Variants in FBXO34 observed in about 807,000 individuals in gnomAD.
FBXO34 encodes F-box only protein 34.
In FBXO34, 12 loss-of-function variants were observed where a neutral mutation model predicts 24.5. The observed-to-expected ratio is 0.49, with a 90% CI of 0.31 to 0.79. The LOEUF (loss-of-function observed/expected upper bound fraction) is 0.79. Among genes scored for constraint, FBXO34 ranks in the 30% least tolerant of loss-of-function variants. The pLI, the probability that FBXO34 is intolerant of heterozygous loss-of-function variation, is 0.04. For missense variants in FBXO34, 823 were observed against 857.7 expected (o/e 0.96, Z 0.51); for synonymous variants, 320 against 311.9 (o/e 1.03, Z -0.27).
At chr14:55,289,756 C>T (rs926789068) in intron 1 of FBXO34, among the ~76,000 whole-genome samples, 1 of 151,540 alleles carries the variant, frequency 6.6e-6, no homozygotes, top group African/African-American at 2.4e-5. Context: ...CTTTGTTGCC[C>T]AGGTTAGTCT....
intron 1 of FBXO34, among the ~76,000 whole-genome samples, chr14:55,302,532 TCTC>T (rs10537151): frequency 0.29 from 43,817 of 149,860 alleles, 6,741 homozygotes; most frequent in Non-Finnish European, 0.33. Flanking sequence ...CTCAGGCAGT[TCTC>T]CTGCTTTGGC....
At chr14:55,401,662 T>TA in the FBXO34 span, among the ~76,000 whole-genome samples, 2 of 152,234 alleles carry the variant, frequency 1.3e-5, no homozygotes, top group African/African-American at 2.4e-5. Flanking sequence ...TTTTTTCTGT[T>TA]AAAAAAAGGT....
In FBXO34 at chr14:55,280,786, G is replaced by A. The variant is rs185773184; in HGVS notation, c.-11+9249G>A. The stretch of plus-strand genomic sequence containing the variant: ...CGTGATCCTCCCGCCTCAGCCTTCC[G>A]AAGTGCTGGGATTACAGGCGTGAAC... On this transcript the variant is annotated intron_variant, in intron 1 of 1. Coordinates refer to ENST00000313833, the MANE Select transcript of FBXO34 (RefSeq NM_017943.4). 5.3e-5 allele frequency among the ~76,000 whole-genome samples: 8 copies of A among 152,004 alleles called. 1 individual carries two copies. The highest frequency in any genetic ancestry group is 4.6e-4 in the Admixed American group (7 of 15,282).
the FBXO34 span, chr14:55,377,672 C>T: frequency 4.3e-6 from 2 of 467,762 alleles, no homozygotes; most frequent in African/African-American, 2.0e-5. Context: ...ATATAATTAC[C>T]TTTGTTTCTT....
the FBXO34 span, chr14:55,440,475 G>A: frequency 6.2e-7 from 1 of 1,612,246 alleles, no homozygotes; most frequent in Non-Finnish European, 8.5e-7. Flanking sequence ...TGTTGGGGGT[G>A]GGGGCGGGTA....
At chr14:55,438,245 A>G in the FBXO34 span, among the ~76,000 whole-genome samples, 7 of 152,196 alleles carry the variant, frequency 4.6e-5, no homozygotes, top group Non-Finnish European at 1.5e-5. Context: ...ACTGGAGCCT[A>G]TTGGAGTGTT....
the FBXO34 span, among the ~76,000 whole-genome samples, chr14:55,394,283 G>A: frequency 4.6e-5 from 7 of 152,074 alleles, no homozygotes; most frequent in Non-Finnish European, 7.4e-5. Context: ...GGGATTATAG[G>A]CATGAGCCAA....
chr14:55,433,126 ATT>A, the FBXO34 span, among the ~76,000 whole-genome samples: 2 of 151,870 alleles, frequency 1.3e-5, no homozygotes, highest in Non-Finnish European at 2.9e-5. Flanking sequence ...ATATGTCAGT[ATT>A]TTATTATTTT....
the FBXO34 span, among the ~76,000 whole-genome samples, chr14:55,397,121 C>T: frequency 3.9e-5 from 6 of 152,220 alleles, no homozygotes. Context: ...CATCAATTAT[C>T]AGTGCCAGGG....
chr14:55,368,755 C>G (rs1397776522), downstream of FBXO34: 1 of 152,182 alleles, frequency 6.6e-6, no homozygotes, highest in African/African-American at 2.4e-5. Context: ...TTCCCCTGTG[C>G]CCAGGCAGGC....
downstream of FBXO34, among the ~76,000 whole-genome samples, chr14:55,366,173 T>C (rs1166231225): frequency 6.6e-6 from 1 of 152,166 alleles, no homozygotes; most frequent in Non-Finnish European, 1.5e-5. Context: ...TTAGGGAAAG[T>C]ATGCAACCAG....
At chr14:55,271,886 C>T (rs1233141763) in intron 1 of FBXO34, 1 of 152,230 alleles carries the variant, frequency 6.6e-6, no homozygotes, top group African/African-American at 2.4e-5. Context: ...ACTTACGGGA[C>T]CCAGGGCGGT....
intron 1 of FBXO34, among the ~76,000 whole-genome samples, chr14:55,344,331 T>C (rs917298627): frequency 6.6e-6 from 1 of 152,244 alleles, no homozygotes; most frequent in Admixed American, 6.5e-5. Context: ...TTTTTTTTTT[T>C]CCTGATTATG....
intron 1 of FBXO34, among the ~76,000 whole-genome samples, chr14:55,299,796 C>T (rs1336765436): frequency 6.6e-6 from 1 of 152,142 alleles, no homozygotes; most frequent in Non-Finnish European, 1.5e-5. Flanking sequence ...TTCTAGCTTG[C>T]TATGGAAATT....
the FBXO34 span, among the ~76,000 whole-genome samples, chr14:55,438,458 A>C: frequency 6.6e-6 from 1 of 152,120 alleles, no homozygotes; most frequent in African/African-American, 2.4e-5. Context: ...ATGGGCCCCA[A>C]TTCCACTGCA....
chr14:55,392,600 G>C, the FBXO34 span, among the ~76,000 whole-genome samples: 1 of 143,526 alleles, frequency 7.0e-6, no homozygotes, highest in African/African-American at 2.6e-5. Context: ...AGTGAGCCAA[G>C]ATTGTGCCAC....
chr14:55,440,370 C>G, the FBXO34 span: 1 of 1,612,680 alleles, frequency 6.2e-7, no homozygotes, highest in African/African-American at 1.3e-5. Flanking sequence ...TGGGTCCTGA[C>G]TCTGGGACAG....
chr14:55,314,538 AT>A (rs111332239), intron 1 of FBXO34, among the ~76,000 whole-genome samples: 60,035 of 151,918 alleles, frequency 0.4, 12,116 homozygotes, highest in Non-Finnish European at 0.42. Context: ...ATTGGGTATC[AT>A]TATGACATAG....
intron 1 of FBXO34, among the ~76,000 whole-genome samples, chr14:55,327,803 ATAT>A (rs1883389661): frequency 6.7e-6 from 1 of 149,860 alleles, no homozygotes; most frequent in African/African-American, 2.5e-5. Context: ...AACCCTATAT[ATAT>A]TGTGCACGAA....
Sources: gnomAD v4.1 joint callset for allele counts (sites outside exome capture counted in the v4.1 genomes callset) on GRCh38, gnomAD v4.1.1 for gene constraint, MANE v1.5 for transcripts, NCBI Gene and HGNC (gene_info 2026-07-23, HGNC 2026-07-21) for gene names.